The following GLG1 variants were observed in gnomAD, a reference collection of about 807,000 sequenced individuals.
GLG1 encodes the protein Golgi apparatus protein 1.
Under a neutral mutation model 160.5 loss-of-function variants are expected in GLG1, and 38 were observed. That is an observed-to-expected ratio of 0.24 (90% confidence interval 0.18 to 0.31). The LOEUF (loss-of-function observed/expected upper bound fraction) is 0.31, where lower values mean the gene tolerates loss of function less well. Ranked by LOEUF, GLG1 falls within the 10% of genes least tolerant of loss-of-function variation. The pLI, the probability that GLG1 is intolerant of heterozygous loss-of-function variation, is 1.00. For missense variants in GLG1, 1,373 were observed against 1,505.2 expected, an observed-to-expected ratio of 0.91 and a Z score of 1.45; for synonymous variants, 644 against 543.4, an observed-to-expected ratio of 1.19 and a Z score of -2.57.
chr16:74,455,904 T>C (rs1002776099), intron 25 of GLG1, among the ~76,000 whole-genome samples: 1 of 152,168 alleles, frequency 6.6e-6, no homozygotes, highest in African/African-American at 2.4e-5. Context: ...TTATGTAAAC[T>C]ACAAAGCAAT....
At chr16:74,538,328 C>T (rs1002108200) in intron 1 of GLG1, among the ~76,000 whole-genome samples, 9 of 151,624 alleles carry the variant, frequency 5.9e-5, no homozygotes, top group Admixed American at 1.3e-4. Context: ...CATTAAGAAC[C>T]CAGTAACTTC....
rs573999862 is a variant in GLG1 at position 74,554,055 on chromosome 16, C to A, written c.439-21902G>T. ...ATTCTCAACCATGGCCTAAGTAAATCTCAGTGACTGAGTATTTAAGAACCA... is the reference window on the plus strand; with the variant it reads ...ATTCTCAACCATGGCCTAAGTAAATATCAGTGACTGAGTATTTAAGAACCA... On this transcript the variant is annotated intron_variant, in intron 1 of 25. Transcript: ENST00000422840. Among the ~76,000 whole-genome samples, 220 of 152,296 alleles carry A rather than the reference C, an allele frequency of 1.4e-3. 1 individual carries two copies. The South Asian group carries it at 0.016, about 11-fold the overall frequency.
intron 1 of GLG1, among the ~76,000 whole-genome samples, chr16:74,557,307 T>C (rs1263389051): frequency 6.6e-6 from 1 of 152,210 alleles, no homozygotes; most frequent in Non-Finnish European, 1.5e-5. Context: ...ATAGTAAGTG[T>C]GCTGAAGTAA....
At chr16:74,600,237 G>A (rs894591872) in intron 1 of GLG1, among the ~76,000 whole-genome samples, 5 of 151,832 alleles carry the variant, frequency 3.3e-5, no homozygotes, top group African/African-American at 7.3e-5. Context: ...GTATATTTCC[G>A]CTTAGAACAA....
In GLG1 at chr16:74,599,796, A is replaced by G. The variant is rs527412112; in HGVS notation, c.438+6861T>C. ...GGAGAATGGCGTGAACCCGGGAGGT[A>G]GAGCTTGCAGTGAGCCGAGATCGCG... On this transcript the variant is annotated intron_variant, in intron 1 of 25. Coordinates refer to ENST00000422840, the MANE Select transcript of GLG1 (RefSeq NM_001145667.2). 2.6e-3 allele frequency among the ~76,000 whole-genome samples: 391 copies of G among 151,896 alleles called. 4 individuals carry two copies. Among genetic ancestry groups the G allele is most frequent in the African/African-American group, 8.9e-3 (370 of 41,442 alleles).
At chr16:74,523,152 A>G (rs571698039) in intron 2 of GLG1, among the ~76,000 whole-genome samples, 3 of 152,358 alleles carry the variant, frequency 2.0e-5, no homozygotes, top group African/African-American at 7.2e-5. Context: ...AGAGGCACAC[A>G]ACCATTTAAG....
At chr16:74,469,360 G>C (rs11643608) in intron 16 of GLG1, 135,330 of 404,412 alleles carry the variant, frequency 0.33, 25,311 homozygotes, top group South Asian at 0.52. Flanking sequence ...TGTGACCACA[G>C]AGGAATGCTG....
chr16:74,563,404 G>A (rs1000064064), intron 1 of GLG1: 4 of 152,164 alleles, frequency 2.6e-5, no homozygotes, highest in African/African-American at 9.7e-5. Flanking sequence ...TTTTTCCAGA[G>A]TTTGGAGTAA....
At position 74,505,736 on chromosome 16, in the gene GLG1, T is replaced by C. The variant is rs1043060621; in HGVS notation, c.559-1990A>G. ...CAGGTGTGGCGGCGTGCGCCTGTAG[T>C]CCCAGCTACTTGGAAGGCTGAGGCA... On this transcript the variant is annotated intron_variant, in intron 3 of 25. Transcript: ENST00000422840. 4.6e-5 allele frequency among the ~76,000 whole-genome samples: 7 copies of C among 152,298 alleles called. 1 individual carries two copies. Among genetic ancestry groups the C allele is most frequent in the Admixed American group, 3.9e-4 (6 of 15,288 alleles).
At chr16:74,486,357 C>T (rs980966531) in intron 8 of GLG1, among the ~76,000 whole-genome samples, 2 of 152,214 alleles carry the variant, frequency 1.3e-5, no homozygotes, top group African/African-American at 4.8e-5. Flanking sequence ...TGCAAAGACA[C>T]TGGTATTAAG....
intron 4 of GLG1, among the ~76,000 whole-genome samples, chr16:74,500,924 T>C (rs996688151): frequency 6.6e-6 from 1 of 152,204 alleles, no homozygotes. Flanking sequence ...GAAAAAATCA[T>C]AGTTTTGAAA....
At chr16:74,524,403 A>T in intron 2 of GLG1, among the ~76,000 whole-genome samples, 1 of 152,182 alleles carries the variant, frequency 6.6e-6, no homozygotes, top group Non-Finnish European at 1.5e-5. Context: ...AGGCCTTTTT[A>T]TAGACACGTT....
At chr16:74,478,124 T>A (rs866715802) in intron 11 of GLG1, among the ~76,000 whole-genome samples, 3 of 152,152 alleles carry the variant, frequency 2.0e-5, no homozygotes, top group South Asian at 2.1e-4. Context: ...AGTATCCTGA[T>A]AAAAGTGAAC....
intron 18 of GLG1, among the ~76,000 whole-genome samples, chr16:74,466,875 A>C (rs1235035185): frequency 6.6e-6 from 1 of 152,208 alleles, no homozygotes; most frequent in Non-Finnish European, 1.5e-5. Flanking sequence ...AAAGTTAAAG[A>C]GACATGGAAG....
At position 74,452,125 on chromosome 16, in the gene GLG1, T is replaced by G; in HGVS notation, c.*1042A>C. On this transcript the variant is annotated 3_prime_UTR_variant, in exon 26 of 26. Transcript: ENST00000422840. ...TATAAGCCATTGTCTCTGACCTGTA[T>G]TGTAGCCTGAAAAATAAAGCAAAGT... 6.2e-7 allele frequency: 1 copy of G among 1,614,024 alleles called. No homozygotes were observed. Among genetic ancestry groups the G allele is most frequent in the Admixed American group, 1.7e-5 (1 of 60,018 alleles).
At chr16:74,464,372 G>A (rs1452656659) in intron 19 of GLG1, among the ~76,000 whole-genome samples, 1 of 152,154 alleles carries the variant, frequency 6.6e-6, no homozygotes, top group Non-Finnish European at 1.5e-5. Flanking sequence ...TAATTACAGG[G>A]CTATAATCCT....
chr16:74,465,857 T>A lies in GLG1; in HGVS notation c.2530-44A>T, dbSNP rs376513429. Reference sequence around the variant, plus strand: ...AGTCAAGTTGAGAGATGTCAGAGACTGCTCATCCATGTGTTCTGATTGAAA... The same window carrying A: ...AGTCAAGTTGAGAGATGTCAGAGACAGCTCATCCATGTGTTCTGATTGAAA... On this transcript the variant is annotated intron_variant, in intron 18 of 25. Coordinates refer to ENST00000422840, the MANE Select transcript of GLG1 (RefSeq NM_001145667.2). 9 of 1,552,582 alleles carry A rather than the reference T, an allele frequency of 5.8e-6. No homozygotes were observed. The South Asian group carries it at 7.8e-5, about 13-fold the overall frequency.
At chr16:74,593,465 A>T in intron 1 of GLG1, among the ~76,000 whole-genome samples, 1 of 127,772 alleles carries the variant, frequency 7.8e-6, no homozygotes, top group African/African-American at 3.0e-5. Context: ...ACAGAATTTC[A>T]CTCTTGTCAC....
At chr16:74,472,274 G>C in intron 14 of GLG1, 75 bp downstream of exon 14, 1 of 948,946 alleles carries the variant, frequency 1.1e-6, no homozygotes, top group East Asian at 2.4e-5. Flanking sequence ...ACAGAGGTGA[G>C]TCTGAGATAC....
Sources: gnomAD v4.1 joint callset for allele counts (sites outside exome capture counted in the v4.1 genomes callset) on GRCh38, gnomAD v4.1.1 for gene constraint, MANE v1.5 for transcripts, NCBI Gene and HGNC (gene_info 2026-07-23, HGNC 2026-07-21) for gene names.